Variants in PTGIS observed in about 807,000 individuals in gnomAD.
The protein encoded by PTGIS is prostaglandin I2 synthase.
PTGIS carries 45 observed loss-of-function variants against 50.3 expected under a neutral mutation model. That is an observed-to-expected ratio of 0.90 (90% confidence interval 0.70 to 1.15). PTGIS has a LOEUF of 1.15. Among genes scored for constraint, PTGIS ranks in the 50% most tolerant of loss-of-function variants. The pLI is 0.00. For synonymous variants in PTGIS, 260 were observed against 267.7 expected, an observed-to-expected ratio of 0.97 and a Z score of 0.28; for missense variants, 668 against 661.3, an observed-to-expected ratio of 1.01 and a Z score of -0.11.
At position 49,540,842 on chromosome 20, in the gene PTGIS, C is replaced by T. The variant is rs372027603; in HGVS notation, c.522-1121G>A. 9.2e-5 allele frequency among the ~76,000 whole-genome samples: 14 copies of T among 152,312 alleles called. No homozygotes were observed. The South Asian group carries it at 1.0e-3, about 11-fold the overall frequency. On this transcript the variant is annotated intron_variant, in intron 4 of 9. Coordinates refer to ENST00000244043, the MANE Select transcript of PTGIS (RefSeq NM_000961.4). The surrounding 1 kb of genome is among the most constrained non-coding windows in gnomAD (Gnocchi z 4.8). ...TCAGCAGAGAGTCACAACAAAGAGA[C>T]GCAACCAAAGCCCCGGGGCCTCACC...
chr20:49,531,343 T>C (rs1356988427), intron 5 of PTGIS, among the ~76,000 whole-genome samples: 3 of 152,130 alleles, frequency 2.0e-5, no homozygotes, highest in Non-Finnish European at 4.4e-5. Flanking sequence ...GCCCTGCAGA[T>C]GAGCAAAGCT....
At chr20:49,549,948 T>C (rs1426555267) in intron 2 of PTGIS, 118 bp downstream of exon 2, 1 of 1,521,040 alleles carries the variant, frequency 6.6e-7, no homozygotes, top group Non-Finnish European at 9.1e-7. Flanking sequence ...CTCAGATGGA[T>C]GTTGGATGGT....
intron 5 of PTGIS, 72 bp from the exon 6 acceptor site, chr20:49,524,311 C>G: frequency 6.4e-7 from 1 of 1,552,350 alleles, no homozygotes. Flanking sequence ...CCAGGCATGA[C>G]CTCCCATGAG....
At chr20:49,538,205 A>G (rs1982129273) in intron 5 of PTGIS, among the ~76,000 whole-genome samples, 1 of 141,122 alleles carries the variant, frequency 7.1e-6, no homozygotes, top group Non-Finnish European at 1.5e-5. Context: ...CAGTGAGCCG[A>G]GATCGCACCA....
chr20:49,508,865 C>T (rs1340277031), intron 9 of PTGIS, among the ~76,000 whole-genome samples: 2 of 152,198 alleles, frequency 1.3e-5, no homozygotes, highest in African/African-American at 4.8e-5. Flanking sequence ...CGGGGGATGT[C>T]AACGGTTGCT....
At chr20:49,545,858 CTGCTGTTTGGGAAGTAG>C (rs529332921) in intron 3 of PTGIS, among the ~76,000 whole-genome samples, 1 of 4,518 alleles carries the variant, frequency 2.2e-4, no homozygotes, top group South Asian at 7.7e-3. Flanking sequence ...GTAGGATGGA[CTGCTGTTTGGGAAGTAG>C]GATGGACACC....
chr20:49,517,542 C>T (rs1981520081), intron 6 of PTGIS, among the ~76,000 whole-genome samples: 1 of 152,202 alleles, frequency 6.6e-6, no homozygotes, highest in Non-Finnish European at 1.5e-5. Flanking sequence ...CCCACGGAGC[C>T]TTGCCTCCGT....
intron 1 of PTGIS, among the ~76,000 whole-genome samples, chr20:49,560,576 TGA>T (rs1231653864): frequency 6.6e-6 from 1 of 150,744 alleles, no homozygotes; most frequent in Non-Finnish European, 1.5e-5. Flanking sequence ...TGTGAGACAG[TGA>T]GGGGGGCTGG....
intron 3 of PTGIS, among the ~76,000 whole-genome samples, chr20:49,546,316 G>A (rs1158627560): frequency 1.3e-5 from 2 of 152,192 alleles, no homozygotes; most frequent in Admixed American, 6.5e-5. Flanking sequence ...GATTCCTATT[G>A]CTAATGGGAC....
chr20:49,548,126 A>G, intron 2 of PTGIS, 107 bp from the exon 3 acceptor site: 1 of 1,026,890 alleles, frequency 9.7e-7, no homozygotes, highest in Non-Finnish European at 1.5e-6. Flanking sequence ...CTGGACAGTA[A>G]CACACTATGT....
intron 2 of PTGIS, among the ~76,000 whole-genome samples, chr20:49,548,712 TGGAA>T (rs146417025): frequency 2.3e-4 from 35 of 149,698 alleles, no homozygotes; most frequent in South Asian, 1.9e-3. Flanking sequence ...GGTAAATGAA[TGGAA>T]GGAAGGAAGG....
Position 49,504,629 on chromosome 20 carries a change from G to A in PTGIS, c.*3291C>T, listed in dbSNP as rs1280432968. On this transcript the variant is annotated 3_prime_UTR_variant, in exon 10 of 10. Transcript: ENST00000244043. ...GCATTGCTTAAACCCAGGAGGTGGA[G>A]GTTGTGGTGAGCTGAGATCGTGCCA... The A allele has an allele frequency of 6.6e-6, 1 of 151,876 alleles. No homozygotes were observed. Among genetic ancestry groups the A allele is most frequent in the Non-Finnish European group, 1.5e-5 (1 of 68,020 alleles). The allele number at this position is 151,876 out of a possible 1,614,324, so 9.4% of individuals were successfully genotyped here. A position where few individuals can be genotyped will look rare whatever the true frequency, so the allele number is the denominator to read the frequency against.
chr20:49,533,418 C>T (rs554264241), intron 5 of PTGIS, among the ~76,000 whole-genome samples: 1 of 152,052 alleles, frequency 6.6e-6, no homozygotes, highest in Non-Finnish European at 1.5e-5. Context: ...TTTAACTGTC[C>T]CCTGCCCCCA....
intron 2 of PTGIS, among the ~76,000 whole-genome samples, chr20:49,549,006 C>T (rs1982439233): frequency 6.6e-6 from 1 of 151,060 alleles, no homozygotes; most frequent in Non-Finnish European, 1.5e-5. Context: ...GGGTGGTGGT[C>T]GTTTGAATAG....
chr20:49,544,521 C>T (rs1982311353), intron 3 of PTGIS, 73 bp from the exon 4 acceptor site: 1 of 1,572,444 alleles, frequency 6.4e-7, no homozygotes, highest in Non-Finnish European at 8.7e-7. Context: ...CCTCCCTCCC[C>T]AAACCTAAGG....
chr20:49,514,171 G>A, intron 7 of PTGIS, 56 bp downstream of exon 7: 1 of 1,599,080 alleles, frequency 6.3e-7, no homozygotes, highest in Non-Finnish European at 8.5e-7. Flanking sequence ...GGAGGGCTTT[G>A]GGGGTCCATG....
At chr20:49,561,215 C>T (rs1485471547) in intron 1 of PTGIS, among the ~76,000 whole-genome samples, 1 of 152,008 alleles carries the variant, frequency 6.6e-6, no homozygotes, top group Admixed American at 6.6e-5. Context: ...TGGCTGCCCC[C>T]AGTATAACCC....
At chr20:49,556,556 T>C (rs1982625867) in intron 1 of PTGIS, among the ~76,000 whole-genome samples, 1 of 152,222 alleles carries the variant, frequency 6.6e-6, no homozygotes, top group African/African-American at 2.4e-5. Context: ...GCAAAGCCAA[T>C]TTTAAAAAGA....
At chr20:49,522,951 C>G (rs1261541195) in intron 6 of PTGIS, among the ~76,000 whole-genome samples, 2 of 152,026 alleles carry the variant, frequency 1.3e-5, no homozygotes, top group Non-Finnish European at 1.5e-5. Flanking sequence ...TTGAACTCAG[C>G]AGGCAGAGGT....
Sources: gnomAD v4.1 joint callset for allele counts (sites outside exome capture counted in the v4.1 genomes callset) on GRCh38, gnomAD v4.1.1 for gene constraint, Gnocchi (gnomAD v3.1) non-coding constraint, MANE v1.5 for transcripts, NCBI Gene and HGNC (gene_info 2026-07-23, HGNC 2026-07-21) for gene names.